Variants in CACNA2D2 observed in about 807,000 individuals in gnomAD.
The protein encoded by CACNA2D2 is calcium voltage-gated channel auxiliary subunit alpha2delta 2, also known as voltage-dependent calcium channel subunit alpha-2/delta-2.
In CACNA2D2, 48 loss-of-function variants were observed where a neutral mutation model predicts 166.4. The ratio of observed to expected loss-of-function variants is 0.29; its 90% CI spans 0.23 to 0.37. The LOEUF (loss-of-function observed/expected upper bound fraction) is 0.37. CACNA2D2 is among the 10% of genes least tolerant of loss of function. The pLI is 1.00. For synonymous variants in CACNA2D2, 561 were observed against 573.7 expected (o/e 0.98, Z 0.32); for missense variants, 1,122 against 1,433.0 (o/e 0.78, Z 3.50).
At position 50,380,023 on chromosome 3, in the gene CACNA2D2, C is replaced by T; in HGVS notation, c.843-5G>A. The T allele has an allele frequency of 1.2e-6, 2 of 1,614,032 alleles. No homozygotes were observed. Among genetic ancestry groups the T allele is most frequent in the Non-Finnish European group, 1.7e-6 (2 of 1,180,028 alleles). On this transcript the variant is annotated splice_region_variant and splice_polypyrimidine_tract_variant and intron_variant, in intron 8 of 37. Transcript: ENST00000424201. This position sits in a 1 kb window ranked among gnomAD's most constrained non-coding sequence, Gnocchi z 4.9. ...GACGAGGCCCCCTGGATATACCTGC[C>T]CAGGAGATGCCTCTGTTAGGGTAAG...
chr3:50,374,807 C>T lies in CACNA2D2; in HGVS notation c.1914G>A (p.Gly638=). 1 of 1,590,078 alleles carries T rather than the reference C, an allele frequency of 6.3e-7. No homozygotes were observed. Among genetic ancestry groups the T allele is most frequent in the South Asian group, 1.1e-5 (1 of 87,434 alleles). The part of the protein sequence containing the change: ...VPIRSTNYSL[G]LVLPPYSTFY... ...AGGTGCTGTAGGGTGGGAGCACCAG[C>T]CCCAGGCTGAGGGGGGAGAAGCTCG... The change falls in exon 22 of 38, where the codon GGG becomes GGA. Residue 638 remains glycine (G), a synonymous_variant. Coordinates refer to ENST00000424201, the MANE Select transcript of CACNA2D2 (RefSeq NM_006030.4).
chr3:50,468,509 T>C (rs1347346079), intron 2 of CACNA2D2, among the ~76,000 whole-genome samples: 3 of 145,516 alleles, frequency 2.1e-5, no homozygotes, highest in Non-Finnish European at 3.0e-5. Flanking sequence ...GGCCCTCACT[T>C]CAGGGAAGGG....
intron 1 of CACNA2D2, among the ~76,000 whole-genome samples, chr3:50,501,564 C>A (rs57361338): frequency 6.6e-6 from 1 of 152,132 alleles, no homozygotes; most frequent in Non-Finnish European, 1.5e-5. Flanking sequence ...GTTCTCACAT[C>A]GGCCTTCTAG....
rs1033459095 is a variant in CACNA2D2 at position 50,365,273 on chromosome 3, C to T, written c.3098+83G>A. 1.6e-6 allele frequency: 2 copies of T among 1,247,050 alleles called. No homozygotes were observed. Among genetic ancestry groups the T allele is most frequent in the African/African-American group, 1.9e-5 (1 of 53,176 alleles). 77.2% of individuals were successfully genotyped at this position (1,247,050 alleles called of 1,614,324 possible). On this transcript the variant is annotated intron_variant, in intron 35 of 37. Coordinates refer to ENST00000424201, the MANE Select transcript of CACNA2D2 (RefSeq NM_006030.4). This position sits in a 1 kb window ranked among gnomAD's most constrained non-coding sequence, Gnocchi z 4.5. ...GGCCCCGCCCCCGGCCGCTCGGAGG[C>T]CCCGCCCCTTCCATCCTCCCGAGCG...
chr3:50,452,181 G>A (rs940411243), intron 2 of CACNA2D2, among the ~76,000 whole-genome samples: 1 of 152,356 alleles, frequency 6.6e-6, no homozygotes, highest in African/African-American at 2.4e-5. Flanking sequence ...AATGGGGACA[G>A]CTCTGATGGG....
At position 50,466,920 on chromosome 3, in the gene CACNA2D2, A is replaced by G. The variant is rs191110933; in HGVS notation, c.288+9198T>C. Among the ~76,000 whole-genome samples the G allele has an allele frequency of 5.3e-5, 8 of 152,336 alleles. No homozygotes were observed. In the East Asian group the frequency reaches 1.5e-3, roughly 29 times the overall value. On this transcript the variant is annotated intron_variant, in intron 2 of 37. Coordinates refer to ENST00000424201, the MANE Select transcript of CACNA2D2 (RefSeq NM_006030.4). ...CTGAAGGCAGCAGCAAGTATCAGAC[A>G]CCACTGGCCTCAGCATTGATCTGGA...
chr3:50,376,204 G>A lies in CACNA2D2; in HGVS notation c.1627-16C>T, dbSNP rs772541092. 34 of 1,612,774 alleles carry A rather than the reference G, an allele frequency of 2.1e-5. No homozygotes were observed. The highest frequency in any genetic ancestry group is 2.9e-5 in the Non-Finnish European group (34 of 1,179,774). ...TGGCTCCAAGCTGGAGGCACAGATT[G>A]GGGGCTCAGGGTCTGGAGGGATGGG... On this transcript the variant is annotated splice_polypyrimidine_tract_variant and intron_variant, in intron 17 of 37. Transcript: ENST00000424201. This position sits in a 1 kb window ranked among gnomAD's most constrained non-coding sequence, Gnocchi z 4.3.
At chr3:50,424,594 T>C (rs1032367243) in intron 3 of CACNA2D2, among the ~76,000 whole-genome samples, 1 of 152,202 alleles carries the variant, frequency 6.6e-6, no homozygotes, top group East Asian at 1.9e-4. Context: ...CTTTGTGGTA[T>C]GCATCACTGC....
chr3:50,478,065 C>A (rs1187340064), intron 1 of CACNA2D2, among the ~76,000 whole-genome samples: 3 of 151,962 alleles, frequency 2.0e-5, no homozygotes, highest in Non-Finnish European at 4.4e-5. Flanking sequence ...AAAAAAAAAT[C>A]AACATCAAAA....
In CACNA2D2 at chr3:50,381,007, G is replaced by A. The variant is rs770337861; in HGVS notation, c.772C>T (p.Arg258Cys). The stretch of plus-strand genomic sequence containing the variant: ...GGCTGGTACCTACCCGGGTAGTAGC[G>A]AGTGACTCCTGTGGCGCTGCCGAAG... ...QVFGSATGVTRYYPATPWRAP... is the reference protein window; with the variant it reads ...QVFGSATGVTCYYPATPWRAP... Residue 258 changes from arginine to cysteine, a missense_variant, in exon 7 of 38, where the codon CGC becomes TGC. Arg to Cys is a radical substitution (Grantham distance 180). Transcript: ENST00000424201. 1.9e-6 allele frequency: 3 copies of A among 1,613,822 alleles called. No individual in the cohort carries two copies. The highest frequency in any genetic ancestry group is 1.7e-6 in the Non-Finnish European group (2 of 1,179,826).
At position 50,376,089 on chromosome 3, in the gene CACNA2D2, C is replaced by T. The variant is rs1704969937; in HGVS notation, c.1701+25G>A. 1 of 1,613,320 alleles carries T rather than the reference C, an allele frequency of 6.2e-7. No homozygotes were observed. The highest frequency in any genetic ancestry group is 8.5e-7 in the Non-Finnish European group (1 of 1,179,978). On this transcript the variant is annotated intron_variant, in intron 18 of 37. Transcript: ENST00000424201. This position sits in a 1 kb window ranked among gnomAD's most constrained non-coding sequence, Gnocchi z 4.3. ...TCCCCATTGTGGAAGGTTTGCCCAC[C>T]CTCCAGGCCACCCGTCTGGCTCACC...
chr3:50,376,023 G>A lies in CACNA2D2; in HGVS notation c.1713C>T (p.Phe571=). The A allele has an allele frequency of 6.2e-7, 1 of 1,613,346 alleles. No homozygotes were observed. The highest frequency in any genetic ancestry group is 8.5e-7 in the Non-Finnish European group (1 of 1,179,988). The change falls in exon 19 of 38, where the codon TTC becomes TTT. Residue 571 remains phenylalanine, a synonymous_variant. Transcript: ENST00000424201. This position sits in a 1 kb window ranked among gnomAD's most constrained non-coding sequence, Gnocchi z 4.3. ...GGAAGTCCAGAGTCACAGGCTCCCG[G>A]AAGTTGGTGGTCTGTTGGAGGCAGG... is the stretch of plus-strand genomic sequence containing the variant. ...HPNLKPQTTN[F]REPVTLDFLD...
chr3:50,415,070 T>C (rs1707207037), intron 3 of CACNA2D2, among the ~76,000 whole-genome samples: 1 of 151,942 alleles, frequency 6.6e-6, no homozygotes, highest in African/African-American at 2.4e-5. Flanking sequence ...GGGCCAACAC[T>C]CTCCATCTCC....
Position 50,364,412 on chromosome 3 carries a change from G to A in CACNA2D2, c.*254C>T, listed in dbSNP as rs1481909649. The A allele has an allele frequency of 2.0e-6, 1 of 491,160 alleles. No individual in the cohort carries two copies. The highest frequency in any genetic ancestry group is 3.3e-5 in the East Asian group (1 of 29,934). The allele number at this position is 491,160 out of a possible 1,614,324, so 30.4% of individuals were successfully genotyped here. A position where few individuals can be genotyped will look rare whatever the true frequency, so the allele number is the denominator to read the frequency against. ...TCCCTGTCCCATCCCACTGGGGGGA[G>A]CCCAGCAGGCAAGAAGGGTCTGGGG... is the stretch of plus-strand genomic sequence containing the variant. On this transcript the variant is annotated 3_prime_UTR_variant, in exon 38 of 38. Coordinates refer to ENST00000424201, the MANE Select transcript of CACNA2D2 (RefSeq NM_006030.4).
At chr3:50,492,466 G>T (rs1396544439) in intron 1 of CACNA2D2, among the ~76,000 whole-genome samples, 2 of 152,234 alleles carry the variant, frequency 1.3e-5, no homozygotes, top group African/African-American at 4.8e-5. Flanking sequence ...CCAGGTTTGG[G>T]TCTAGTCTAT....
At chr3:50,449,342 G>A (rs72937001) in intron 2 of CACNA2D2, among the ~76,000 whole-genome samples, 4,918 of 152,272 alleles carry the variant, frequency 0.032, 259 homozygotes, top group African/African-American at 0.11. Context: ...TATGCTGCTC[G>A]TGCCCAGCTA....
chr3:50,447,126 G>A (rs1708881653), intron 2 of CACNA2D2, among the ~76,000 whole-genome samples: 1 of 152,188 alleles, frequency 6.6e-6, no homozygotes, highest in Non-Finnish European at 1.5e-5. Flanking sequence ...AAGAAGGAAG[G>A]CTGGTGAGGA....
At chr3:50,437,178 G>A (rs1359525969) in intron 2 of CACNA2D2, among the ~76,000 whole-genome samples, 1 of 152,154 alleles carries the variant, frequency 6.6e-6, no homozygotes, top group Non-Finnish European at 1.5e-5. Context: ...TTTTCTTCCT[G>A]TTCTATTTCT....
intron 1 of CACNA2D2, 58 bp downstream of exon 1, chr3:50,503,160 G>A: frequency 9.6e-7 from 1 of 1,037,620 alleles, no homozygotes; most frequent in Non-Finnish European, 1.2e-6. Context: ...GCGCGGACCG[G>A]GGGCAGAGCG....
Sources: allele counts gnomAD v4.1 joint callset (sites outside exome capture counted in the v4.1 genomes callset), GRCh38; gene constraint gnomAD v4.1.1; non-coding constraint Gnocchi (gnomAD v3.1); transcripts MANE v1.5; gene names NCBI Gene and HGNC (gene_info 2026-07-23, HGNC 2026-07-21).